The following TLE4 variants were observed in gnomAD, a reference collection of about 807,000 sequenced individuals.
The protein encoded by TLE4 is transducin-like enhancer protein 4.
Under a neutral mutation model 92.8 loss-of-function variants are expected in TLE4, and 8 were observed. That is an observed-to-expected ratio of 0.09 (90% CI 0.05 to 0.16). The LOEUF (loss-of-function observed/expected upper bound fraction) is 0.16, where lower values mean the gene tolerates loss of function less well. Ranked by LOEUF, TLE4 falls within the 10% of genes least tolerant of loss-of-function variation. The pLI, the probability that TLE4 is intolerant of heterozygous loss-of-function variation, is 1.00. For missense variants in TLE4, 675 were observed against 997.6 expected (o/e 0.68, Z 4.36); for synonymous variants, 371 against 374.1 (o/e 0.99, Z 0.10).
intron 2 of TLE4, 121 bp from the exon 3 acceptor site, chr9:79,574,751 TG>T: frequency 1.4e-6 from 1 of 734,174 alleles, no homozygotes; most frequent in Non-Finnish European, 2.2e-6. Flanking sequence ...TCCATAATGA[TG>T]GGGGTATTTA....
At chr9:79,677,341 T>C (rs1463905376) in intron 8 of TLE4, among the ~76,000 whole-genome samples, 1 of 152,128 alleles carries the variant, frequency 6.6e-6, no homozygotes, top group African/African-American at 2.4e-5. Context: ...TTCTGTCCTT[T>C]TGAAGATGTA....
rs978472098 is a variant in TLE4 at position 79,668,919 on chromosome 9, T to C, written c.609+14844T>C. 11 of 769,980 alleles carry C rather than the reference T, an allele frequency of 1.4e-5. No homozygotes were observed. In the African/African-American group the frequency reaches 2.1e-4, roughly 15 times the overall value. The allele number at this position is 769,980 out of a possible 1,614,324, so 47.7% of individuals were successfully genotyped here. A position where few individuals can be genotyped will look rare whatever the true frequency, so the allele number is the denominator to read the frequency against. On this transcript the variant is annotated intron_variant, in intron 8 of 19. Coordinates refer to ENST00000376552, the MANE Select transcript of TLE4 (RefSeq NM_007005.6). Reference sequence around the variant, plus strand: ...GCTGCAGATGATAATGCTGGCATTTTATTCATGAGGAATTATCAATGCAGG... The same window carrying C: ...GCTGCAGATGATAATGCTGGCATTTCATTCATGAGGAATTATCAATGCAGG...
intron 13 of TLE4, 152 bp from the exon 14 acceptor site, chr9:79,709,471 A>G (rs528831543): frequency 3.5e-6 from 2 of 577,936 alleles, no homozygotes; most frequent in Admixed American, 3.5e-5. Flanking sequence ...AACATTGGTT[A>G]TCATTTCACC....
intron 4 of TLE4, among the ~76,000 whole-genome samples, chr9:79,602,342 A>G (rs181430316): frequency 6.1e-4 from 93 of 152,328 alleles, no homozygotes; most frequent in Admixed American, 1.1e-3. Flanking sequence ...GCCATCTAGG[A>G]CTTTCATAGC....
chr9:79,707,500 A>T (rs1334473756), intron 11 of TLE4, among the ~76,000 whole-genome samples: 1 of 152,194 alleles, frequency 6.6e-6, no homozygotes, highest in African/African-American at 2.4e-5. Flanking sequence ...CATAACATTT[A>T]AAAAAAGAAT....
intron 4 of TLE4, among the ~76,000 whole-genome samples, chr9:79,602,634 A>G (rs1441146429): frequency 6.6e-6 from 1 of 152,180 alleles, no homozygotes; most frequent in Non-Finnish European, 1.5e-5. Flanking sequence ...TTCTTTCAAA[A>G]TATTACTGCC....
At chr9:79,680,448 A>G (rs939731499) in intron 8 of TLE4, among the ~76,000 whole-genome samples, 2 of 152,142 alleles carry the variant, frequency 1.3e-5, no homozygotes, top group African/African-American at 2.4e-5. Context: ...GGTGTATAAG[A>G]ATGCTTGTGA....
intron 14 of TLE4, chr9:79,718,147 A>C (rs115593249): frequency 2.8e-4 from 127 of 447,386 alleles, no homozygotes; most frequent in African/African-American, 2.4e-3. Flanking sequence ...GTGATTGTCA[A>C]GTCTGATCAA....
intron 4 of TLE4, among the ~76,000 whole-genome samples, chr9:79,595,227 C>T (rs1318292253): frequency 6.6e-6 from 1 of 152,164 alleles, no homozygotes; most frequent in African/African-American, 2.4e-5. Flanking sequence ...TACCTATCAC[C>T]TAAAGTCTAA....
chr9:79,718,442 C>G (rs1437199430), intron 14 of TLE4, among the ~76,000 whole-genome samples: 4 of 152,130 alleles, frequency 2.6e-5, no homozygotes, highest in African/African-American at 9.7e-5. Flanking sequence ...GTAGTGTTCT[C>G]TTCATTTTAG....
chr9:79,713,276 A>C (rs960020496), intron 14 of TLE4, among the ~76,000 whole-genome samples: 3 of 152,232 alleles, frequency 2.0e-5, no homozygotes, highest in Admixed American at 1.3e-4. Context: ...CTTTGTCAAG[A>C]TGATAATCCA....
chr9:79,658,596 G>T (rs537356217), intron 8 of TLE4, among the ~76,000 whole-genome samples: 1 of 152,208 alleles, frequency 6.6e-6, no homozygotes, highest in South Asian at 2.1e-4. Flanking sequence ...AAATTGAAGG[G>T]CATGATTCAG....
chr9:79,683,556 A>C (rs898984647), intron 8 of TLE4, among the ~76,000 whole-genome samples: 2 of 152,212 alleles, frequency 1.3e-5, no homozygotes, highest in African/African-American at 4.8e-5. Flanking sequence ...ATAATTTAGG[A>C]ATCATACTGT....
intron 8 of TLE4, among the ~76,000 whole-genome samples, chr9:79,681,810 G>GAGAC (rs1181885785): frequency 2.8e-5 from 4 of 145,056 alleles, no homozygotes; most frequent in Non-Finnish European, 6.0e-5. Flanking sequence ...GAGACAGAGA[G>GAGAC]AGAGAGAGAG....
At chr9:79,596,068 G>A (rs1054966686) in intron 4 of TLE4, among the ~76,000 whole-genome samples, 11 of 152,096 alleles carry the variant, frequency 7.2e-5, no homozygotes, top group East Asian at 5.8e-4. Context: ...GGATGGTCTC[G>A]ATCTCCTGAC....
chr9:79,638,635 A>G (rs989457546), intron 6 of TLE4, among the ~76,000 whole-genome samples: 2 of 151,858 alleles, frequency 1.3e-5, no homozygotes, highest in African/African-American at 2.4e-5. Context: ...CAGTGCCACT[A>G]TGGTCCCGAA....
chr9:79,634,851 A>G (rs1307452533), intron 6 of TLE4, among the ~76,000 whole-genome samples: 1 of 152,164 alleles, frequency 6.6e-6, no homozygotes, highest in East Asian at 1.9e-4. Flanking sequence ...GCAGACTGAT[A>G]TTCTATTGTA....
chr9:79,635,604 AT>A (rs1220122189), intron 6 of TLE4, among the ~76,000 whole-genome samples: 1 of 148,222 alleles, frequency 6.7e-6, no homozygotes, highest in African/African-American at 2.5e-5. Context: ...AAGGACATGG[AT>A]TCAGTTTTTC....
chr9:79,616,252 C>T (rs929390832), intron 5 of TLE4, among the ~76,000 whole-genome samples: 3 of 152,164 alleles, frequency 2.0e-5, no homozygotes, highest in Non-Finnish European at 4.4e-5. Context: ...GTGTGGTTTA[C>T]TCTAACTGGG....
Sources: allele counts gnomAD v4.1 joint callset (sites outside exome capture counted in the v4.1 genomes callset), GRCh38; gene constraint gnomAD v4.1.1; transcripts MANE v1.5; gene names NCBI Gene and HGNC (gene_info 2026-07-23, HGNC 2026-07-21).